SNTG1: variants seen among roughly 807,000 people sequenced by gnomAD.
SNTG1 encodes the protein syntrophin gamma 1.
In SNTG1, 39 loss-of-function variants were observed where a neutral mutation model predicts 74.7. The ratio of observed to expected loss-of-function variants is 0.52; its 90% confidence interval spans 0.40 to 0.68. The LOEUF (loss-of-function observed/expected upper bound fraction) is 0.68, where lower values mean the gene tolerates loss of function less well. SNTG1 is among the 30% of genes least tolerant of loss of function. The pLI is 0.00. For missense variants in SNTG1, 685 were observed against 609.5 expected (o/e 1.12, Z -1.30); for synonymous variants, 254 against 217.1 (o/e 1.17, Z -1.49).
chr8:50,369,375 T>C (rs2092209820), intron 2 of SNTG1, among the ~76,000 whole-genome samples: 1 of 152,072 alleles, frequency 6.6e-6, no homozygotes, highest in Admixed American at 6.5e-5. Context: ...GGCAGGTGGA[T>C]CACATGAGGT....
In SNTG1 at chr8:50,360,572, A is replaced by G. The variant is rs534765216; in HGVS notation, c.-27-33640A>G. Among the ~76,000 whole-genome samples, 24 of 152,216 alleles carry G rather than the reference A, an allele frequency of 1.6e-4. No homozygotes were observed. In the South Asian group the frequency reaches 3.9e-3, roughly 25 times the overall value. On this transcript the variant is annotated intron_variant, in intron 2 of 18. Coordinates refer to ENST00000642720, the MANE Select transcript of SNTG1 (RefSeq NM_018967.5). ...CTTGCTGTTGTGCCAATATCAGTGT[A>G]TTTACCACATACTTGGGAGTTATAA... is the stretch of plus-strand genomic sequence containing the variant.
chr8:50,572,258 TTATA>T (rs778113467), intron 12 of SNTG1, among the ~76,000 whole-genome samples: 15 of 93,096 alleles, frequency 1.6e-4, no homozygotes, highest in African/African-American at 3.8e-4. Flanking sequence ...ATCACCTATT[TTATA>T]TATATATATA....
intron 18 of SNTG1, among the ~76,000 whole-genome samples, chr8:50,776,927 G>A (rs1256333621): frequency 2.0e-5 from 3 of 151,764 alleles, no homozygotes; most frequent in Non-Finnish European, 4.4e-5. Flanking sequence ...CTGGCTGTAT[G>A]ATTTCTGATG....
intron 4 of SNTG1, among the ~76,000 whole-genome samples, chr8:50,430,480 T>A (rs140691186): frequency 8.8e-4 from 134 of 152,312 alleles, no homozygotes; most frequent in African/African-American, 3.1e-3. Context: ...GTTTACTTGT[T>A]AAATTTCAAT....
rs541451699 is a variant in SNTG1 at position 50,660,519 on chromosome 8, G to C, written c.1038+1856G>C. Among the ~76,000 whole-genome samples the C allele has an allele frequency of 4.9e-4, 66 of 134,058 alleles. 4 individuals carry two copies. In the South Asian group the frequency reaches 0.016, roughly 33 times the overall value. The allele number at this position is 134,058 out of a possible 152,430, so 87.9% of individuals were successfully genotyped here. A position where few individuals can be genotyped will look rare whatever the true frequency, so the allele number is the denominator to read the frequency against. On this transcript the variant is annotated intron_variant, in intron 15 of 18. Transcript: ENST00000642720. Reference sequence around the variant, plus strand: ...GAAGGAAGGAGAAGGAAGGGAGGGAGGGAGGGAGAAGGAAGGAAGGAAAGA... The same window carrying C: ...GAAGGAAGGAGAAGGAAGGGAGGGACGGAGGGAGAAGGAAGGAAGGAAAGA...
intron 13 of SNTG1, among the ~76,000 whole-genome samples, chr8:50,614,404 G>C (rs1176569546): frequency 1.3e-5 from 2 of 151,932 alleles, no homozygotes; most frequent in African/African-American, 4.8e-5. Flanking sequence ...CAGTAGCAAG[G>C]AATCAAGAGA....
intron 2 of SNTG1, among the ~76,000 whole-genome samples, chr8:50,269,840 A>G (rs1290660721): frequency 2.6e-5 from 4 of 152,292 alleles, no homozygotes; most frequent in African/African-American, 9.6e-5. Flanking sequence ...GGGGAGTTAC[A>G]TAAAAGACGT....
intron 2 of SNTG1, among the ~76,000 whole-genome samples, chr8:50,197,316 C>G (rs1188404547): frequency 6.6e-6 from 1 of 152,200 alleles, no homozygotes; most frequent in Admixed American, 6.5e-5. Flanking sequence ...AAATACATTC[C>G]TGTAAGCAGT....
chr8:50,020,269 A>C (rs1394966460), intron 1 of SNTG1, among the ~76,000 whole-genome samples: 1 of 152,244 alleles, frequency 6.6e-6, no homozygotes, highest in African/African-American at 2.4e-5. Context: ...CGCTTCCCTC[A>C]GTACAGAGTG....
intron 1 of SNTG1, among the ~76,000 whole-genome samples, chr8:49,982,139 A>G (rs1812735659): frequency 6.6e-6 from 1 of 152,190 alleles, no homozygotes; most frequent in Non-Finnish European, 1.5e-5. Flanking sequence ...GTTCCACATG[A>G]AATCACTTAT....
intron 2 of SNTG1, among the ~76,000 whole-genome samples, chr8:50,345,738 A>G (rs1464771918): frequency 1.3e-5 from 2 of 152,194 alleles, no homozygotes; most frequent in Non-Finnish European, 1.5e-5. Flanking sequence ...TTCTTTTTAA[A>G]ATTTCAGTGT....
At chr8:50,101,840 A>G (rs894052369) in intron 1 of SNTG1, among the ~76,000 whole-genome samples, 3 of 152,078 alleles carry the variant, frequency 2.0e-5, no homozygotes, top group Non-Finnish European at 4.4e-5. Context: ...TAGTTTACTG[A>G]GAATGAAGAT....
At chr8:50,332,904 T>C (rs1217889414) in intron 2 of SNTG1, among the ~76,000 whole-genome samples, 1 of 152,190 alleles carries the variant, frequency 6.6e-6, no homozygotes, top group Admixed American at 6.5e-5. Flanking sequence ...ATTACTTTGT[T>C]CTCAGAACCA....
chr8:50,023,189 G>C (rs1437515091), intron 1 of SNTG1, among the ~76,000 whole-genome samples: 1 of 152,138 alleles, frequency 6.6e-6, no homozygotes, highest in East Asian at 1.9e-4. Context: ...GAGAGGGACA[G>C]ATGGAAGAGA....
At chr8:50,251,355 A>C (rs1036448832) in intron 2 of SNTG1, among the ~76,000 whole-genome samples, 1 of 152,002 alleles carries the variant, frequency 6.6e-6, no homozygotes, top group African/African-American at 2.4e-5. Flanking sequence ...ATCGTTAACA[A>C]ACTTGCAGGA....
chr8:50,418,004 A>G (rs1314049686), intron 4 of SNTG1, among the ~76,000 whole-genome samples: 2 of 152,076 alleles, frequency 1.3e-5, no homozygotes, highest in African/African-American at 4.8e-5. Context: ...GATCATTCTG[A>G]CCAGTGATCA....
intron 13 of SNTG1, among the ~76,000 whole-genome samples, chr8:50,621,811 T>G (rs1200697549): frequency 6.6e-6 from 1 of 152,246 alleles, no homozygotes; most frequent in East Asian, 1.9e-4. Flanking sequence ...TATTTGATTT[T>G]ATTTTAGTTG....
chr8:50,582,706 T>C (rs898439270), intron 12 of SNTG1, among the ~76,000 whole-genome samples: 1 of 151,992 alleles, frequency 6.6e-6, no homozygotes, highest in Non-Finnish European at 1.5e-5. Flanking sequence ...AGTCTGGAGG[T>C]TCCCATTTAA....
At chr8:50,156,199 C>G (rs1293933044) in intron 1 of SNTG1, among the ~76,000 whole-genome samples, 1 of 152,052 alleles carries the variant, frequency 6.6e-6, no homozygotes, top group African/African-American at 2.4e-5. Flanking sequence ...TACTAAAACT[C>G]AGGAAACAAT....
Sources: gnomAD v4.1 joint callset for allele counts (sites outside exome capture counted in the v4.1 genomes callset) on GRCh38, gnomAD v4.1.1 for gene constraint, MANE v1.5 for transcripts, NCBI Gene and HGNC (gene_info 2026-07-23, HGNC 2026-07-21) for gene names.